CD109: variants seen among roughly 807,000 people sequenced by gnomAD.
The protein encoded by CD109 is CD109 antigen.
In CD109, 149 loss-of-function variants were observed where a neutral mutation model predicts 165.8. The ratio of observed to expected loss-of-function variants is 0.90; its 90% confidence interval spans 0.79 to 1.03. The LOEUF is 1.03. CD109 is among the 50% of genes least tolerant of loss of function. The probability of loss-of-function intolerance (pLI) is 0.00; values close to 1 mark genes in which losing one functional copy is unlikely to be tolerated. For synonymous variants in CD109, 585 were observed against 592.1 expected, an observed-to-expected ratio of 0.99 and a Z score of 0.18; for missense variants, 1,712 against 1,677.8, an observed-to-expected ratio of 1.02 and a Z score of -0.36.
rs1771113778 is a variant in CD109, at chr6:73,702,301, T to C, written c.247+4729T>C. Among the ~76,000 whole-genome samples the C allele has an allele frequency of 2.0e-5, 3 of 152,342 alleles. No individual in the cohort carries two copies. The South Asian group carries it at 6.2e-4, about 32-fold the overall frequency. On this transcript the variant is annotated intron_variant, in intron 2 of 32. Coordinates refer to ENST00000287097, the MANE Select transcript of CD109 (RefSeq NM_133493.5). ...AATTTTTAAAAATTGAGATATTAGCTGAAAAACTTAAAAAATCATCCAATT... is the reference window on the plus strand; with the variant it reads ...AATTTTTAAAAATTGAGATATTAGCCGAAAAACTTAAAAAATCATCCAATT...
intron 10 of CD109, among the ~76,000 whole-genome samples, chr6:73,764,853 A>G (rs1014237251): frequency 3.3e-5 from 5 of 152,000 alleles, no homozygotes; most frequent in Non-Finnish European, 1.5e-5. Context: ...CGACAAAGAA[A>G]GAATGGAGGG....
chr6:73,690,473 C>A, the CD109 span, among the ~76,000 whole-genome samples: 1 of 151,488 alleles, frequency 6.6e-6, no homozygotes, highest in Middle Eastern at 3.2e-3. Context: ...GTGATCTCGG[C>A]TCACCGCAAC....
upstream of CD109, among the ~76,000 whole-genome samples, chr6:73,692,728 T>C (rs1265585821): frequency 6.6e-6 from 1 of 152,100 alleles, no homozygotes; most frequent in South Asian, 2.1e-4. Context: ...TGGGGGTGGG[T>C]CTTTCCCATG....
intron 14 of CD109, among the ~76,000 whole-genome samples, chr6:73,769,443 A>ATC (rs1285258553): frequency 6.6e-6 from 1 of 152,214 alleles, no homozygotes; most frequent in African/African-American, 2.4e-5. Flanking sequence ...AGTGTAAAAG[A>ATC]TCACGGACTT....
chr6:73,685,979 A>C, the CD109 span, among the ~76,000 whole-genome samples: 1 of 152,190 alleles, frequency 6.6e-6, no homozygotes, highest in African/African-American at 2.4e-5. Context: ...TGATGAGAGT[A>C]TGCATTCTTG....
intron 2 of CD109, among the ~76,000 whole-genome samples, chr6:73,701,785 A>G (rs1313590924): frequency 2.0e-5 from 3 of 152,176 alleles, no homozygotes; most frequent in Non-Finnish European, 4.4e-5. Flanking sequence ...ACCTGATTTA[A>G]GAAAAAATGC....
Position 73,704,110 on chromosome 6 carries a change from A to C in CD109, c.247+6538A>C, listed in dbSNP as rs533225069. Among the ~76,000 whole-genome samples, 8 of 151,022 alleles carry C rather than the reference A, an allele frequency of 5.3e-5. No individual in the cohort carries two copies. The East Asian group carries it at 1.6e-3, about 30-fold the overall frequency. ...TGAGGCAGGAGAATCGCTTGAACCCAGGAGGCAGAGGCTGCAGTGAGATTG... is the reference window on the plus strand; with the variant it reads ...TGAGGCAGGAGAATCGCTTGAACCCCGGAGGCAGAGGCTGCAGTGAGATTG... On this transcript the variant is annotated intron_variant, in intron 2 of 32. Transcript: ENST00000287097.
chr6:73,801,918 A>C (rs909775248), intron 23 of CD109, among the ~76,000 whole-genome samples: 4 of 152,152 alleles, frequency 2.6e-5, no homozygotes, highest in African/African-American at 9.7e-5. Context: ...GCTATCAGAG[A>C]GTCATTGATA....
In CD109 at chr6:73,825,601, G is replaced by C. The variant is rs527649108; in HGVS notation, c.*1968G>C. ...TGGAAAGGCCATTGGAAGACAGGTTGTATCTTTTTTAGACCATATTTCCTT... is the reference window on the plus strand; with the variant it reads ...TGGAAAGGCCATTGGAAGACAGGTTCTATCTTTTTTAGACCATATTTCCTT... On this transcript the variant is annotated 3_prime_UTR_variant, in exon 33 of 33. Transcript: ENST00000287097. The C allele has an allele frequency of 1.3e-5, 2 of 152,284 alleles. No homozygotes were observed. Among genetic ancestry groups the C allele is most frequent in the African/African-American group, 4.8e-5 (2 of 41,560 alleles). The allele number at this position is 152,284 out of a possible 1,614,324, so 9.4% of individuals were successfully genotyped here.
At chr6:73,760,619 G>A (rs1460840816) in intron 7 of CD109, among the ~76,000 whole-genome samples, 1 of 152,140 alleles carries the variant, frequency 6.6e-6, no homozygotes, top group Non-Finnish European at 1.5e-5. Flanking sequence ...GCCAAACTGG[G>A]TGGATCACTT....
chr6:73,681,819 G>A, the CD109 span, among the ~76,000 whole-genome samples: 1 of 151,892 alleles, frequency 6.6e-6, no homozygotes, highest in Non-Finnish European at 1.5e-5. Context: ...GCCAGGCTGA[G>A]GTCAAACTCC....
chr6:73,793,460 A>G (rs759811797), intron 23 of CD109, among the ~76,000 whole-genome samples: 13 of 152,224 alleles, frequency 8.5e-5, no homozygotes, highest in Non-Finnish European at 1.2e-4. Context: ...GCAGTGTTCT[A>G]AACACTTTAC....
chr6:73,789,252 C>T (rs1384496074), intron 22 of CD109, among the ~76,000 whole-genome samples: 4 of 152,246 alleles, frequency 2.6e-5, no homozygotes, highest in Middle Eastern at 3.4e-3. Flanking sequence ...TGACTTCGGT[C>T]GCCTCTCCTA....
At chr6:73,704,014 G>A (rs1008671611) in intron 2 of CD109, among the ~76,000 whole-genome samples, 1 of 151,930 alleles carries the variant, frequency 6.6e-6, no homozygotes, top group South Asian at 2.1e-4. Flanking sequence ...GTGAAACCCC[G>A]TCTCTACCAA....
chr6:73,776,204 T>C (rs1475741796), intron 15 of CD109, among the ~76,000 whole-genome samples: 1 of 152,172 alleles, frequency 6.6e-6, no homozygotes, highest in Non-Finnish European at 1.5e-5. Context: ...TTTTAAATGA[T>C]AGCTATCCAT....
At chr6:73,764,108 A>G (rs962807328) in intron 10 of CD109, among the ~76,000 whole-genome samples, 16 of 152,218 alleles carry the variant, frequency 1.1e-4, no homozygotes, top group Admixed American at 4.6e-4. Flanking sequence ...GAATTAACAC[A>G]TTAATTGTGT....
In CD109 at chr6:73,824,907, A is replaced by G. The variant is rs1052416130; in HGVS notation, c.*1274A>G. ...GTCAACAATTAATGATCTTTTATTC[A>G]ATCTAAGAAATGGTTTAGTTTTTCT... On this transcript the variant is annotated 3_prime_UTR_variant, in exon 33 of 33. Transcript: ENST00000287097. The G allele has an allele frequency of 1.3e-5, 2 of 152,108 alleles. No homozygotes were observed. Among genetic ancestry groups the G allele is most frequent in the South Asian group, 4.1e-4 (2 of 4,830 alleles). The allele number at this position is 152,108 out of a possible 1,614,324, so 9.4% of individuals were successfully genotyped here. A position where few individuals can be genotyped will look rare whatever the true frequency, so the allele number is the denominator to read the frequency against.
chr6:73,768,058 G>A lies in CD109; in HGVS notation c.1501G>A (p.Val501Ile). The A allele has an allele frequency of 6.2e-7, 1 of 1,611,946 alleles. No homozygotes were observed. The change falls in exon 14 of 33, where the codon GTA (valine) becomes ATA (isoleucine). Residue 501 changes from valine (V) to isoleucine (I), a missense_variant. Coordinates refer to ENST00000287097, the MANE Select transcript of CD109 (RefSeq NM_133493.5). ...ACCCATCTACTGTTCTTTTCAGGTA[G>A]TATCCAGGGGACAGTTGGTGGCTGT... ...KRLKELSYMV[V>I]SRGQLVAVGK...
intron 20 of CD109, 27 bp downstream of exon 20, chr6:73,785,504 A>C (rs1227848746): frequency 3.1e-6 from 4 of 1,275,940 alleles, no homozygotes; most frequent in Admixed American, 3.9e-5. Flanking sequence ...TTTGTTGATC[A>C]TTTACACTAC....
Sources: allele counts gnomAD v4.1 joint callset (sites outside exome capture counted in the v4.1 genomes callset), GRCh38; gene constraint gnomAD v4.1.1; transcripts MANE v1.5; gene names NCBI Gene and HGNC (gene_info 2026-07-23, HGNC 2026-07-21).